CYP4F3: variants seen among roughly 807,000 people sequenced by gnomAD.
CYP4F3 encodes cytochrome P450 family 4 subfamily F member 3.
A neutral mutation model predicts 54.8 loss-of-function variants in CYP4F3; 50 were observed. The ratio of observed to expected loss-of-function variants is 0.91; its 90% confidence interval spans 0.73 to 1.16. The LOEUF is 1.16. CYP4F3 is among the 50% of genes most tolerant of loss of function. CYP4F3 has a pLI of 0.00. For synonymous variants in CYP4F3, 244 were observed against 262.6 expected (o/e 0.93, Z 0.69); for missense variants, 715 against 676.2 (o/e 1.06, Z -0.64).
At chr19:15,646,928 C>A in intron 3 of CYP4F3, 124 bp from the exon 4 acceptor site, 2 of 1,403,466 alleles carry the variant, frequency 1.4e-6, no homozygotes, top group East Asian at 2.3e-5. Context: ...TCCCCTTGAC[C>A]CTCTTCTTGC....
Position 15,659,329 on chromosome 19 carries a change from G to A in CYP4F3, c.1507G>A (p.Glu503Lys). Residue 503 changes from glutamate to lysine, a missense_variant, in exon 13 of 13, where the codon GAG (glutamate) becomes AAG (lysine). Coordinates refer to ENST00000221307, the MANE Select transcript of CYP4F3 (RefSeq NM_000896.3). ...CCACACCGAGCCCCGCAGGAAGCCG[G>A]AGCTGGTCCTGCGCGCAGAGGGCGG... is the stretch of plus-strand genomic sequence containing the variant. Reference protein sequence around the residue: ...PDHTEPRRKPELVLRAEGGLW... With the variant: ...PDHTEPRRKPKLVLRAEGGLW... 1.2e-6 allele frequency: 2 copies of A among 1,613,650 alleles called. No individual in the cohort carries two copies. The highest frequency in any genetic ancestry group is 2.2e-5 in the South Asian group (2 of 91,036).
intron 9 of CYP4F3, 190 bp from the exon 10 acceptor site, chr19:15,658,073 GC>G: frequency 1.0e-6 from 1 of 959,078 alleles, no homozygotes; most frequent in Non-Finnish European, 1.2e-6. Flanking sequence ...AGCTCTTTAT[GC>G]TGTTCCATGG....
chr19:15,656,056 C>T (rs4808347), intron 9 of CYP4F3, among the ~76,000 whole-genome samples: 46,709 of 151,980 alleles, frequency 0.31, 8,290 homozygotes, highest in East Asian at 0.48. Context: ...CTTTGACCAA[C>T]ATTTCACCCT....
At chr19:15,658,163 T>C (rs1483829808) in intron 9 of CYP4F3, 101 bp from the exon 10 acceptor site, 1 of 1,559,582 alleles carries the variant, frequency 6.4e-7, no homozygotes, top group Non-Finnish European at 8.6e-7. Context: ...AAAAAGTTTA[T>C]TTCGTTACAG....
chr19:15,645,791 T>G lies in CYP4F3; in HGVS notation c.271T>G (p.Trp91Gly), dbSNP rs1212235705. ...ACTFGDMCCWWVGPWHAIVRI... is the reference protein window; with the variant it reads ...ACTFGDMCCWGVGPWHAIVRI... Reference sequence around the variant, plus strand: ...CACCTTCGGTGATATGTGCTGCTGGTGGGTGGGGCCCTGGCACGCAATCGT... The same window carrying G: ...CACCTTCGGTGATATGTGCTGCTGGGGGGTGGGGCCCTGGCACGCAATCGT... Residue 91 changes from tryptophan (W) to glycine (G), a missense_variant, in exon 3 of 13, where the codon TGG (tryptophan) becomes GGG (glycine). Transcript: ENST00000221307. 5 of 1,614,020 alleles carry G rather than the reference T, an allele frequency of 3.1e-6. No individual in the cohort carries two copies. Among genetic ancestry groups the G allele is most frequent in the East Asian group, 2.2e-5 (1 of 44,896 alleles).
Position 15,653,773 on chromosome 19 carries a change from A to AGAGAGAGT in CYP4F3, c.1115+828_1115+829insTGAGAGAG, listed in dbSNP as rs1555743189. 5.0e-4 allele frequency among the ~76,000 whole-genome samples: 67 copies of AGAGAGAGT among 132,990 alleles called. 2 individuals carry two copies. The highest frequency in any genetic ancestry group is 1.8e-3 in the African/African-American group (63 of 35,240). 87.2% of individuals were successfully genotyped at this position (132,990 alleles called of 152,430 possible). On this transcript the variant is annotated intron_variant, in intron 9 of 12. Coordinates refer to ENST00000221307, the MANE Select transcript of CYP4F3 (RefSeq NM_000896.3). ...GAGAGAGAGAGAGAGAGAGAGAGAGAGAGAGAGAGAGAGCAGGGTCAGGAC... is the reference window on the plus strand; with the variant it reads ...GAGAGAGAGAGAGAGAGAGAGAGAGAGAGAGAGTGAGAGAGAGAGAGCAGGGTCAGGAC...
intron 1 of CYP4F3, 165 bp from the exon 2 acceptor site, chr19:15,641,250 G>T (rs938673603): frequency 1.1e-5 from 9 of 835,764 alleles, no homozygotes; most frequent in African/African-American, 1.7e-5. Flanking sequence ...GTTTTGGCTG[G>T]GCCTTTCTGG....
rs1277534082 is a variant in CYP4F3, at chr19:15,658,377, AC to A, written c.1230del (p.Asp410GlufsTer69). 9 of 1,613,962 alleles carry A rather than the reference AC, an allele frequency of 5.6e-6. No individual in the cohort carries two copies. In the African/African-American group the frequency reaches 1.1e-4, roughly 19 times the overall value. ...TGCACCCAAGACATTGTGCTCCCAGACGGCCGGGTCATCCCCAAAGGTGCCA... is the reference window on the plus strand; with the variant it reads ...TGCACCCAAGACATTGTGCTCCCAGAGGCCGGGTCATCCCCAAAGGTGCCA... ...RCCTQDIVLP[D>X]GRVIPKGIIC... On this transcript the variant is annotated frameshift_variant, in exon 10 of 13. Coordinates refer to ENST00000221307, the MANE Select transcript of CYP4F3 (RefSeq NM_000896.3). LOFTEE classifies it high-confidence loss of function.
intron 9 of CYP4F3, among the ~76,000 whole-genome samples, chr19:15,654,254 G>A (rs1224907070): frequency 6.6e-6 from 1 of 152,034 alleles, no homozygotes; most frequent in Admixed American, 6.6e-5. Flanking sequence ...CATTTTTATT[G>A]ATGCATAATA....
intron 6 of CYP4F3, 29 bp from the exon 7 acceptor site, chr19:15,649,884 T>C (rs1247202642): frequency 1.2e-6 from 2 of 1,608,754 alleles, no homozygotes; most frequent in East Asian, 4.5e-5. Flanking sequence ...TATTAAATTG[T>C]TGCCTCCCTT....
chr19:15,658,740 T>G lies in CYP4F3; in HGVS notation c.1328T>G (p.Phe443Cys). The G allele has an allele frequency of 6.2e-7, 1 of 1,614,066 alleles. No homozygotes were observed. Among genetic ancestry groups the G allele is most frequent in the Non-Finnish European group, 8.5e-7 (1 of 1,180,006 alleles). Residue 443 changes from phenylalanine to cysteine, a missense_variant, in exon 12 of 13, where the codon TTT becomes TGT. Transcript: ENST00000221307. ...VWPDPEVYDP[F>C]RFDPKNIKER... ...TCTCGCCTCCAGGTCTATGACCCCT[T>G]TCGCTTTGACCCAAAGAACATCAAG... is the stretch of plus-strand genomic sequence containing the variant.
intron 2 of CYP4F3, 27 bp downstream of exon 2, chr19:15,641,640 G>A (rs1297243963): frequency 2.5e-6 from 4 of 1,612,454 alleles, no homozygotes; most frequent in South Asian, 2.2e-5. Flanking sequence ...GACGGGTCTG[G>A]GGTCTCAGGG....
chr19:15,653,046 T>C, intron 9 of CYP4F3, 94 bp downstream of exon 9: 2 of 1,491,722 alleles, frequency 1.3e-6, no homozygotes, highest in Non-Finnish European at 1.8e-6. Flanking sequence ...TTGTTGATTC[T>C]GCCACTATTG....
At chr19:15,655,716 T>C (rs1397084521) in intron 9 of CYP4F3, among the ~76,000 whole-genome samples, 2 of 152,236 alleles carry the variant, frequency 1.3e-5, no homozygotes, top group Non-Finnish European at 2.9e-5. Context: ...GTCTGCATAT[T>C]ATCTCTGAGA....
chr19:15,641,161 C>T (rs985720292), intron 1 of CYP4F3: 1 of 496,184 alleles, frequency 2.0e-6, no homozygotes, highest in Non-Finnish European at 3.6e-6. Flanking sequence ...TCAGGCTGGG[C>T]CTTTCTGGAC....
rs370502478 is a variant in CYP4F3 at position 15,647,302 on chromosome 19, A to G, written c.503A>G (p.Asn168Ser). ...CTGAAGCCCTATATGAAGATTTTCA[A>G]TGAGAGTGTGAACATCATGCATGTG... ...NILKPYMKIFNESVNIMHAKW... is the reference protein window; with the variant it reads ...NILKPYMKIFSESVNIMHAKW... Residue 168 changes from asparagine to serine, a missense_variant, in exon 5 of 13, where the codon AAT becomes AGT. Transcript: ENST00000221307. 6.8e-5 allele frequency: 110 copies of G among 1,614,202 alleles called. No individual in the cohort carries two copies. The African/African-American group carries it at 1.0e-3, about 15-fold the overall frequency.
intron 7 of CYP4F3, among the ~76,000 whole-genome samples, chr19:15,650,657 T>G: frequency 1.0e-5 from 1 of 96,370 alleles, no homozygotes; most frequent in Non-Finnish European, 1.9e-5. Flanking sequence ...CTCCCTGCCT[T>G]CTTTTTCTTT....
intron 3 of CYP4F3, among the ~76,000 whole-genome samples, chr19:15,646,406 G>A (rs1017530719): frequency 1.3e-5 from 2 of 152,146 alleles, no homozygotes; most frequent in Admixed American, 6.5e-5. Flanking sequence ...CTTGTCTGAG[G>A]CATGTGTTGT....
chr19:15,659,327 C>G lies in CYP4F3; in HGVS notation c.1505C>G (p.Pro502Arg), dbSNP rs376424029. 1.2e-6 allele frequency: 2 copies of G among 1,613,654 alleles called. No individual in the cohort carries two copies. The highest frequency in any genetic ancestry group is 1.7e-6 in the Non-Finnish European group (2 of 1,179,854). Residue 502 changes from proline to arginine, a missense_variant, in exon 13 of 13, where the codon CCG (proline) becomes CGG (arginine). By Grantham distance (103) the Pro-to-Arg change is moderately radical. Transcript: ENST00000221307. Reference sequence around the variant, plus strand: ...GACCACACCGAGCCCCGCAGGAAGCCGGAGCTGGTCCTGCGCGCAGAGGGC... The same window carrying G: ...GACCACACCGAGCCCCGCAGGAAGCGGGAGCTGGTCCTGCGCGCAGAGGGC... The part of the protein sequence containing the change: ...LPDHTEPRRK[P>R]ELVLRAEGGL...
Sources: allele counts gnomAD v4.1 joint callset (sites outside exome capture counted in the v4.1 genomes callset), GRCh38; gene constraint gnomAD v4.1.1; transcripts MANE v1.5; gene names NCBI Gene and HGNC (gene_info 2026-07-23, HGNC 2026-07-21).